The following CDCP2 variants were observed in gnomAD, a reference collection of about 807,000 sequenced individuals.
CDCP2 encodes the protein CUB domain containing protein 2.
Under a neutral mutation model 31.0 loss-of-function variants are expected in CDCP2, and 31 were observed. The ratio of observed to expected loss-of-function variants is 1.00; its 90% CI spans 0.75 to 1.35. The LOEUF is 1.35. CDCP2 is among the 40% of genes most tolerant of loss of function. CDCP2 has a pLI of 0.00. For synonymous variants in CDCP2, 206 were observed against 207.9 expected, an observed-to-expected ratio of 0.99 and a Z score of 0.08; for missense variants, 443 against 482.6, an observed-to-expected ratio of 0.92 and a Z score of 0.77.
downstream of CDCP2, chr1:54,132,699 G>A (rs1259503477): frequency 3.1e-6 from 1 of 325,408 alleles, no homozygotes; most frequent in African/African-American, 2.1e-5. Flanking sequence ...TTCTACAGCA[G>A]AATATCTTTA....
intron 5 of CDCP2, among the ~76,000 whole-genome samples, chr1:54,134,747 GTT>G (rs34182217): frequency 1.1e-4 from 1 of 9,378 alleles, no homozygotes; most frequent in South Asian, 0.016. Flanking sequence ...GTTTTGTTTT[GTT>G]TTTTGAGACA....
intron 1 of CDCP2, among the ~76,000 whole-genome samples, chr1:54,148,651 C>T (rs1231563377): frequency 6.6e-6 from 1 of 151,590 alleles, no homozygotes; most frequent in Non-Finnish European, 1.5e-5. Context: ...TTGGCAAGTC[C>T]AGAATGTGGG....
At chr1:54,141,071 T>G in intron 3 of CDCP2, 27 bp downstream of exon 3, 1 of 1,507,060 alleles carries the variant, frequency 6.6e-7, no homozygotes, top group Admixed American at 2.3e-5. Flanking sequence ...ACAGGAGGAT[T>G]CAGGGTGGAG....
At chr1:54,150,316 C>G (rs546225119) in intron 1 of CDCP2, among the ~76,000 whole-genome samples, 1 of 152,172 alleles carries the variant, frequency 6.6e-6, no homozygotes, top group African/African-American at 2.4e-5. Flanking sequence ...TATTAACGGC[C>G]AGGCGTGGTG....
At chr1:54,135,219 G>A (rs2100418176) in intron 5 of CDCP2, among the ~76,000 whole-genome samples, 1 of 152,240 alleles carries the variant, frequency 6.6e-6, no homozygotes, top group East Asian at 1.9e-4. Flanking sequence ...GTTTTGATGA[G>A]TGACAGACTT....
exon 2 of CDCP2, chr1:54,144,802 C>T: frequency 6.2e-7 from 1 of 1,609,530 alleles, no homozygotes; most frequent in South Asian, 1.1e-5. Context: ...AGCACACCCC[C>T]ACATTTGACA....
chr1:54,140,098 G>A lies in CDCP2; in HGVS notation c.772C>T (p.Gln258Ter), dbSNP rs1466222205. The change falls in exon 4 of 6, where the codon CAG becomes TAG. Residue 258 changes from glutamine to a stop codon, truncating the protein, a stop_gained. Coordinates refer to ENST00000530059, the Ensembl canonical transcript of CDCP2. LOFTEE classifies it high-confidence loss of function. ...CCCCGCATGGCCATGTATACCTCCT[G>A]GCATTCTCCTGGATGGGGGATGGGG... The A allele has an allele frequency of 1.9e-6, 3 of 1,613,118 alleles. No homozygotes were observed. The highest frequency in any genetic ancestry group is 1.7e-6 in the Non-Finnish European group (2 of 1,179,946).
intron 3 of CDCP2, chr1:54,140,396 T>G: frequency 1.3e-5 from 6 of 460,474 alleles, no homozygotes; most frequent in East Asian, 4.4e-5. Context: ...TAATACACAA[T>G]ACCTGTCCTC....
chr1:54,142,898 A>G (rs1659399391), intron 2 of CDCP2: 1 of 152,204 alleles, frequency 6.6e-6, no homozygotes. Context: ...CTCTCTTTTA[A>G]TGTAATGAAA....
In CDCP2 at chr1:54,139,776, C is replaced by T. The variant is rs757653123; in HGVS notation, c.1094G>A (p.Gly365Asp). 41 of 1,614,118 alleles carry T rather than the reference C, an allele frequency of 2.5e-5. No homozygotes were observed. The highest frequency in any genetic ancestry group is 3.3e-5 in the Non-Finnish European group (39 of 1,180,046). ...ACCTCCGATGTAGGCCACAGAGAAG[C>T]CCCTGCGGGTGGTGCTGCGGTCTGT... Residue 365 changes from glycine to aspartate, a missense_variant, in exon 4 of 6, where the codon GGC becomes GAC. Coordinates refer to ENST00000530059, the Ensembl canonical transcript of CDCP2.
At chr1:54,152,183 G>C (rs2066091) in intron 1 of CDCP2, among the ~76,000 whole-genome samples, 102,106 of 152,068 alleles carry the variant, frequency 0.67, 35,024 homozygotes, top group Non-Finnish European at 0.74. Context: ...TCAGCAATAG[G>C]CTGGGTGCGG....
chr1:54,141,569 G>T, intron 2 of CDCP2, 136 bp from the exon 3 acceptor site: 1 of 721,382 alleles, frequency 1.4e-6, no homozygotes, highest in Non-Finnish European at 2.3e-6. Context: ...GCAAGCACCT[G>T]CTACCCAAGT....
At chr1:54,151,338 T>G (rs1659580168) in intron 1 of CDCP2, among the ~76,000 whole-genome samples, 1 of 152,200 alleles carries the variant, frequency 6.6e-6, no homozygotes, top group African/African-American at 2.4e-5. Flanking sequence ...AGGGCAGGAA[T>G]GGCATCTAAT....
chr1:54,141,191 G>A, exon 3 of CDCP2: 1 of 1,597,680 alleles, frequency 6.3e-7, no homozygotes, highest in Non-Finnish European at 8.5e-7. Flanking sequence ...ACGAGGGTGG[G>A]GGGCCTGGTG....
At chr1:54,139,943 G>A (rs1326420304) in exon 4 of CDCP2, 12 of 1,614,214 alleles carry the variant, frequency 7.4e-6, no homozygotes, top group Non-Finnish European at 9.3e-6. Context: ...TCTTGGTCAG[G>A]CTGTTGGGCT....
exon 2 of CDCP2, chr1:54,144,809 G>C (rs1197666578): frequency 1.4e-5 from 22 of 1,607,440 alleles, no homozygotes; most frequent in Non-Finnish European, 1.7e-5. Flanking sequence ...CCCCACATTT[G>C]ACACCTGGGG....
At chr1:54,134,528 C>T (rs578150828) in intron 5 of CDCP2, among the ~76,000 whole-genome samples, 20 of 152,294 alleles carry the variant, frequency 1.3e-4, no homozygotes, top group African/African-American at 2.9e-4. Flanking sequence ...GCAGCCACTG[C>T]CTTCTTCAGG....
intron 1 of CDCP2, among the ~76,000 whole-genome samples, chr1:54,145,142 A>T (rs1659441778): frequency 6.6e-6 from 1 of 152,108 alleles, no homozygotes; most frequent in East Asian, 1.9e-4. Context: ...TATAGAGTTT[A>T]TGGGGCCAGG....
At chr1:54,152,598 G>T (rs980293820) in intron 1 of CDCP2, among the ~76,000 whole-genome samples, 2 of 152,172 alleles carry the variant, frequency 1.3e-5, no homozygotes, top group African/African-American at 4.8e-5. Flanking sequence ...GAAAATGGGG[G>T]ACTAACATCC....
Sources: gnomAD v4.1 joint callset for allele counts (sites outside exome capture counted in the v4.1 genomes callset) on GRCh38, gnomAD v4.1.1 for gene constraint, MANE v1.5 for transcripts, NCBI Gene and HGNC (gene_info 2026-07-23, HGNC 2026-07-21) for gene names.